ANKRD10: variants seen among roughly 807,000 people sequenced by gnomAD.
ANKRD10 encodes ankyrin repeat domain-containing protein 10.
In ANKRD10, 14 loss-of-function variants were observed where a neutral mutation model predicts 27.0. The ratio of observed to expected loss-of-function variants is 0.52; its 90% CI spans 0.34 to 0.81. The LOEUF (loss-of-function observed/expected upper bound fraction) is 0.81. ANKRD10 is among the 40% of genes least tolerant of loss of function. ANKRD10 has a pLI of 0.01. For synonymous variants in ANKRD10, 250 were observed against 224.5 expected, an observed-to-expected ratio of 1.11 and a Z score of -1.01; for missense variants, 493 against 544.0, an observed-to-expected ratio of 0.91 and a Z score of 0.93.
At chr13:110,896,761 C>T (rs1313579338) in intron 3 of ANKRD10, among the ~76,000 whole-genome samples, 2 of 152,204 alleles carry the variant, frequency 1.3e-5, no homozygotes, top group African/African-American at 4.8e-5. Context: ...TTTATGAACA[C>T]TGAAACTGAA....
chr13:110,891,871 CTT>C (rs10553815), intron 4 of ANKRD10, among the ~76,000 whole-genome samples: 63 of 121,188 alleles, frequency 5.2e-4, no homozygotes, highest in East Asian at 3.5e-3. Context: ...CTTATTAAGA[CTT>C]TTTTTTTTTT....
At chr13:110,893,378 C>A (rs373372938) in intron 3 of ANKRD10, 115 bp from the exon 4 acceptor site, 4 of 925,008 alleles carry the variant, frequency 4.3e-6, no homozygotes, top group East Asian at 5.3e-5. Context: ...AAATTCATAG[C>A]AAATCTTCAT....
At chr13:110,893,348 G>T in intron 3 of ANKRD10, 85 bp from the exon 4 acceptor site, 1 of 1,341,020 alleles carries the variant, frequency 7.5e-7, no homozygotes, top group Non-Finnish European at 1.0e-6. Flanking sequence ...GCTATCTGAA[G>T]GTGGTATGAA....
chr13:110,884,606 T>C (rs1258786982), intron 4 of ANKRD10, among the ~76,000 whole-genome samples: 1 of 152,254 alleles, frequency 6.6e-6, no homozygotes, highest in Non-Finnish European at 1.5e-5. Flanking sequence ...TATCAGTTAA[T>C]TTCAAAACAA....
intron 3 of ANKRD10, among the ~76,000 whole-genome samples, chr13:110,898,676 G>GCT (rs2065293916): frequency 1.3e-5 from 2 of 151,490 alleles, no homozygotes; most frequent in Non-Finnish European, 2.9e-5. Context: ...GGGCTCAGGT[G>GCT]CTCCTCCCAC....
intron 3 of ANKRD10, chr13:110,904,355 A>C (rs542778997): frequency 6.6e-6 from 1 of 152,320 alleles, no homozygotes; most frequent in East Asian, 1.9e-4. Flanking sequence ...GTAACCAAGG[A>C]CAGAATTGTA....
Position 110,910,693 on chromosome 13 carries a change from G to C in ANKRD10, c.288C>G (p.Ala96=). 1 of 1,614,148 alleles carries C rather than the reference G, an allele frequency of 6.2e-7. No individual in the cohort carries two copies. Among genetic ancestry groups the C allele is most frequent in the East Asian group, 2.2e-5 (1 of 44,862 alleles). Residue 96 remains alanine, a synonymous_variant, in exon 2 of 6, where the codon GCC becomes GCG. Transcript: ENST00000267339. ...GATGTCCCCCAAAGGCTGCAATGTG[G>C]GCTGGCGTCTGCGCGTACCGTGTGG... ...VSTTRYAQTP[A]HIAAFGGHPQ...
At chr13:110,880,213 T>TC (rs1491246003) in intron 5 of ANKRD10, 101 bp from the exon 6 acceptor site, 2 of 1,044,474 alleles carry the variant, frequency 1.9e-6, no homozygotes, top group African/African-American at 3.3e-5. Flanking sequence ...AATTTTAGTT[T>TC]CTTTTTTTTC....
At chr13:110,900,184 T>C (rs1413402177) in intron 3 of ANKRD10, among the ~76,000 whole-genome samples, 1 of 152,220 alleles carries the variant, frequency 6.6e-6, no homozygotes, top group African/African-American at 2.4e-5. Context: ...AGTTTCCACT[T>C]ATAGTGCCAC....
At chr13:110,892,983 A>AAAGG (rs1253413016) in intron 4 of ANKRD10, 45 bp downstream of exon 4, 1 of 1,601,362 alleles carries the variant, frequency 6.2e-7, no homozygotes, top group African/African-American at 1.3e-5. Context: ...CATATTACAG[A>AAAGG]AAGGAAAAAT....
At chr13:110,885,207 C>T (rs531165921) in intron 4 of ANKRD10, among the ~76,000 whole-genome samples, 3 of 151,696 alleles carry the variant, frequency 2.0e-5, no homozygotes, top group Admixed American at 2.0e-4. Context: ...CTCAGGCATG[C>T]ACTTTTAAGA....
intron 4 of ANKRD10, among the ~76,000 whole-genome samples, chr13:110,892,416 CAAAAAAAAA>C (rs71127979): frequency 4.1e-4 from 8 of 19,554 alleles, no homozygotes; most frequent in East Asian, 8.3e-3. Flanking sequence ...GGTGACAGAG[CAAAAAAAAA>C]AAAAAAAAAA....
intron 4 of ANKRD10, among the ~76,000 whole-genome samples, chr13:110,885,418 A>G (rs1239393324): frequency 6.6e-6 from 1 of 152,044 alleles, no homozygotes; most frequent in Non-Finnish European, 1.5e-5. Context: ...CGTGGTGGCG[A>G]GTGCCTGTAG....
rs544457174 is a variant in ANKRD10, at chr13:110,892,353, T to C, written c.691+675A>G. Among the ~76,000 whole-genome samples the C allele has an allele frequency of 4.6e-5, 6 of 130,256 alleles. No homozygotes were observed. In the South Asian group the frequency reaches 7.4e-4, roughly 16 times the overall value. 85.5% of individuals were successfully genotyped at this position (130,256 alleles called of 152,430 possible). Reference sequence around the variant, plus strand: ...GCTGAGACAGGAGAATTGCTTTAACTTGGGAGCCGGAGGTTGCAGTGAGCC... The same window carrying C: ...GCTGAGACAGGAGAATTGCTTTAACCTGGGAGCCGGAGGTTGCAGTGAGCC... On this transcript the variant is annotated intron_variant, in intron 4 of 5. Transcript: ENST00000267339.
intron 4 of ANKRD10, among the ~76,000 whole-genome samples, chr13:110,885,701 C>T (rs2064911952): frequency 6.6e-6 from 1 of 152,142 alleles, no homozygotes; most frequent in South Asian, 2.1e-4. Flanking sequence ...AGCGGGTCAA[C>T]GTTTGCTCCT....
intron 3 of ANKRD10, chr13:110,900,875 G>A (rs1274995029): frequency 3.2e-6 from 1 of 310,810 alleles, no homozygotes; most frequent in Non-Finnish European, 6.2e-6. Flanking sequence ...TTAAGCCATT[G>A]TCATGTGACC....
chr13:110,906,785 A>G (rs1235698226), intron 2 of ANKRD10, among the ~76,000 whole-genome samples: 1 of 152,190 alleles, frequency 6.6e-6, no homozygotes, highest in Non-Finnish European at 1.5e-5. Context: ...ACCAAGCTTC[A>G]TAAGAATGAA....
intron 4 of ANKRD10, among the ~76,000 whole-genome samples, chr13:110,892,197 C>T (rs1159220873): frequency 5.4e-5 from 8 of 148,942 alleles, no homozygotes; most frequent in African/African-American, 2.0e-4. Flanking sequence ...TTTGGGAGGC[C>T]GAGGCAGGTG....
intron 4 of ANKRD10, among the ~76,000 whole-genome samples, chr13:110,886,196 G>T (rs2064926776): frequency 6.6e-6 from 1 of 152,238 alleles, no homozygotes; most frequent in Admixed American, 6.5e-5. Flanking sequence ...GCCCAGGGAA[G>T]AGGCAGCGGG....
Sources: gnomAD v4.1 joint callset for allele counts (sites outside exome capture counted in the v4.1 genomes callset) on GRCh38, gnomAD v4.1.1 for gene constraint, MANE v1.5 for transcripts, NCBI Gene and HGNC (gene_info 2026-07-23, HGNC 2026-07-21) for gene names.